CDC23: variants seen among roughly 807,000 people sequenced by gnomAD.
The protein encoded by CDC23 is cell division cycle protein 23 homolog.
CDC23 carries 26 observed loss-of-function variants against 81.7 expected under a neutral mutation model. That is an observed-to-expected ratio of 0.32 (90% CI 0.23 to 0.44). The LOEUF (loss-of-function observed/expected upper bound fraction) is 0.44, where lower values mean the gene tolerates loss of function less well. CDC23 is among the 20% of genes least tolerant of loss of function. The pLI, the probability that CDC23 is intolerant of heterozygous loss-of-function variation, is 1.00. For synonymous variants in CDC23, 267 were observed against 270.8 expected, an observed-to-expected ratio of 0.99 and a Z score of 0.14; for missense variants, 519 against 728.0, an observed-to-expected ratio of 0.71 and a Z score of 3.30.
chr5:138,207,008 T>A (rs1755057832), intron 2 of CDC23, among the ~76,000 whole-genome samples: 1 of 150,856 alleles, frequency 6.6e-6, no homozygotes, highest in Non-Finnish European at 1.5e-5. Context: ...GCTGCCAGAG[T>A]AGCTGGGATT....
intron 2 of CDC23, 71 bp from the exon 3 acceptor site, chr5:138,206,755 T>A: frequency 2.8e-6 from 4 of 1,430,792 alleles, no homozygotes; most frequent in Non-Finnish European, 3.8e-6. Flanking sequence ...AAAAGTATAT[T>A]CGTTAATTTC....
chr5:138,199,955 A>G (rs1455805916), intron 6 of CDC23, among the ~76,000 whole-genome samples: 2 of 152,242 alleles, frequency 1.3e-5, no homozygotes, highest in Non-Finnish European at 2.9e-5. Context: ...TGTTGCTTCC[A>G]TTAACTACTG....
chr5:138,195,566 AT>A (rs1260465392), intron 9 of CDC23, among the ~76,000 whole-genome samples: 17 of 91,708 alleles, frequency 1.9e-4, no homozygotes, highest in South Asian at 9.6e-4. Flanking sequence ...TATATAATAT[AT>A]TTATATATAA....
At position 138,206,587 on chromosome 5, in the gene CDC23, C is replaced by T; in HGVS notation, c.332G>A (p.Ser111Asn). The T allele has an allele frequency of 6.2e-7, 1 of 1,614,100 alleles. No individual in the cohort carries two copies. Among genetic ancestry groups the T allele is most frequent in the Non-Finnish European group, 8.5e-7 (1 of 1,180,008 alleles). Residue 111 changes from serine to asparagine, a missense_variant, in exon 3 of 16, where the codon AGC (serine) becomes AAC (asparagine). Around this residue, in one of 4 missense-constraint regions of CDC23, gnomAD observed 180 missense variants for 239.3 expected, o/e 0.75. Coordinates refer to ENST00000394886, the MANE Select transcript of CDC23 (RefSeq NM_004661.4). ...CATATACAGAAAATAGGCTTTCTTG[C>T]TATTGCAGCCATGCAGGAAATGTGC... is the stretch of plus-strand genomic sequence containing the variant. ...RAAHFLHGCN[S>N]KKAYFLYMYS...
rs777100864 is a variant in CDC23, at chr5:138,213,246, T to A, written c.67A>T (p.Asn23Tyr). 1 of 1,614,094 alleles carries A rather than the reference T, an allele frequency of 6.2e-7. No individual in the cohort carries two copies. Among genetic ancestry groups the A allele is most frequent in the Admixed American group, 1.7e-5 (1 of 59,994 alleles). Residue 23 changes from asparagine to tyrosine, a missense_variant, in exon 1 of 16, where the codon AAC (asparagine) becomes TAC (tyrosine). Transcript: ENST00000394886. ...TAAVAPVLSI[N>Y]SDFSDLREIK... ...TCCCGCAAATCTGAGAAATCGCTGTTTATGGACAGGACAGGCGCCACTGCC... is the reference window on the plus strand; with the variant it reads ...TCCCGCAAATCTGAGAAATCGCTGTATATGGACAGGACAGGCGCCACTGCC...
intron 9 of CDC23, among the ~76,000 whole-genome samples, chr5:138,197,282 C>T (rs534785234): frequency 7.3e-5 from 9 of 122,534 alleles, no homozygotes; most frequent in Admixed American, 3.1e-4. Context: ...CCAGCCTGGA[C>T]GACAGAGCGA....
In CDC23 at chr5:138,213,315, T is replaced by G; in HGVS notation, c.-3A>C. ...ACCATGGAGGTACTCGCAGCCATTTTCCCGACTCGGGCCACTCCAGCCAAT... is the reference window on the plus strand; with the variant it reads ...ACCATGGAGGTACTCGCAGCCATTTGCCCGACTCGGGCCACTCCAGCCAAT... On this transcript the variant is annotated 5_prime_UTR_variant, in exon 1 of 16. Coordinates refer to ENST00000394886, the MANE Select transcript of CDC23 (RefSeq NM_004661.4). 1.2e-6 allele frequency: 2 copies of G among 1,613,324 alleles called. No individual in the cohort carries two copies. The highest frequency in any genetic ancestry group is 3.3e-4 in the Middle Eastern group (2 of 6,062).
intron 2 of CDC23, among the ~76,000 whole-genome samples, chr5:138,209,538 A>C (rs1032707286): frequency 2.0e-5 from 3 of 151,486 alleles, no homozygotes; most frequent in African/African-American, 4.9e-5. Context: ...CACTGAGAGT[A>C]AGCAAGCCGG....
intron 6 of CDC23, among the ~76,000 whole-genome samples, chr5:138,199,328 T>C (rs1754959894): frequency 6.6e-6 from 1 of 152,140 alleles, no homozygotes; most frequent in Non-Finnish European, 1.5e-5. Context: ...CCAGGTGGAA[T>C]GGCTCAAGCC....
intron 9 of CDC23, among the ~76,000 whole-genome samples, chr5:138,195,521 A>G (rs562479685): frequency 8.1e-6 from 1 of 123,122 alleles, no homozygotes; most frequent in East Asian, 2.1e-4. Flanking sequence ...ATATAAATAT[A>G]TATAAATTAT....
At chr5:138,193,464 C>T (rs770189765) in intron 9 of CDC23, among the ~76,000 whole-genome samples, 1 of 151,946 alleles carries the variant, frequency 6.6e-6, no homozygotes, top group Non-Finnish European at 1.5e-5. Context: ...GGCATAGTGG[C>T]GCACATCTGT....
Position 138,187,788 on chromosome 5 carries a change from A to T in CDC23, c.*1190T>A, listed in dbSNP as rs1251963664. On this transcript the variant is annotated 3_prime_UTR_variant, in exon 16 of 16. Coordinates refer to ENST00000394886, the MANE Select transcript of CDC23 (RefSeq NM_004661.4). ...AAAGGCATGGCAGTGGAGACCAGTA[A>T]CTAGTATACAGCTTGCCTGAGAAGG... 1.1e-5 allele frequency: 2 copies of T among 189,140 alleles called. No individual in the cohort carries two copies. The highest frequency in any genetic ancestry group is 4.8e-5 in the African/African-American group (2 of 42,008). The allele number at this position is 189,140 out of a possible 1,614,324, so 11.7% of individuals were successfully genotyped here. A position where few individuals can be genotyped will look rare whatever the true frequency, so the allele number is the denominator to read the frequency against.
chr5:138,203,270 G>A (rs1755009169), intron 3 of CDC23, among the ~76,000 whole-genome samples: 1 of 152,184 alleles, frequency 6.6e-6, no homozygotes, highest in Non-Finnish European at 1.5e-5. Context: ...TTGTTGATAT[G>A]TGTCAATACT....
At chr5:138,211,660 CAA>C (rs1316881432) in intron 2 of CDC23, among the ~76,000 whole-genome samples, 10 of 114,766 alleles carry the variant, frequency 8.7e-5, no homozygotes, top group Admixed American at 9.2e-5. Flanking sequence ...GACTCCGTCT[CAA>C]AAAAAAAAAA....
intron 2 of CDC23, among the ~76,000 whole-genome samples, chr5:138,210,608 T>C: frequency 6.6e-6 from 1 of 152,222 alleles, no homozygotes; most frequent in Admixed American, 6.5e-5. Flanking sequence ...AAAACATTAC[T>C]CTGGGGTTTT....
At position 138,189,112 on chromosome 5, in the gene CDC23, G is replaced by C. The variant is rs1379610033; in HGVS notation, c.1660C>G (p.Leu554Val). The change falls in exon 16 of 16, where the codon CTA (leucine) becomes GTA (valine). Residue 554 changes from leucine (L) to valine (V), a missense_variant. Transcript: ENST00000394886. ...GTCTCGCCTTGGTTCCGAAGCTGTAGGATTTGCCGGAGTAAGGCCTTACCT... is the reference window on the plus strand; with the variant it reads ...GTCTCGCCTTGGTTCCGAAGCTGTACGATTTGCCGGAGTAAGGCCTTACCT... ...EEGKALLRQILQLRNQGETPT... is the reference protein window; with the variant it reads ...EEGKALLRQIVQLRNQGETPT... The C allele has an allele frequency of 1.9e-6, 3 of 1,614,120 alleles. No homozygotes were observed. Among genetic ancestry groups the C allele is most frequent in the Non-Finnish European group, 2.5e-6 (3 of 1,179,982 alleles).
intron 3 of CDC23, chr5:138,205,736 A>G (rs981078734): frequency 2.0e-5 from 3 of 151,842 alleles, no homozygotes; most frequent in African/African-American, 7.2e-5. Flanking sequence ...AACATAGTCC[A>G]TAACTGCAAG....
At chr5:138,192,004 C>A in intron 11 of CDC23, 67 bp from the exon 12 acceptor site, 1 of 1,293,668 alleles carries the variant, frequency 7.7e-7, no homozygotes, top group South Asian at 1.2e-5. Flanking sequence ...TTTGAGGAAC[C>A]AGTACACCAC....
chr5:138,195,810 T>C lies in CDC23; in HGVS notation c.1012+2389A>G, dbSNP rs568923031. On this transcript the variant is annotated intron_variant, in intron 9 of 15. Transcript: ENST00000394886. ...TATATTTTATATATGTGTATATATA[T>C]ACATATATATAATATATATTATATA... 1.3e-3 allele frequency among the ~76,000 whole-genome samples: 161 copies of C among 128,608 alleles called. 1 individual carries two copies. Among genetic ancestry groups the C allele is most frequent in the African/African-American group, 4.4e-3 (151 of 34,446 alleles). The allele number at this position is 128,608 out of a possible 152,430, so 84.4% of individuals were successfully genotyped here. A position where few individuals can be genotyped will look rare whatever the true frequency, so the allele number is the denominator to read the frequency against.
Sources: allele counts gnomAD v4.1 joint callset (sites outside exome capture counted in the v4.1 genomes callset), GRCh38; gene constraint gnomAD v4.1.1; regional missense constraint gnomAD v4.1.1; transcripts MANE v1.5; gene names NCBI Gene and HGNC (gene_info 2026-07-23, HGNC 2026-07-21).